The following CACNA1E variants were observed in gnomAD, a reference collection of about 807,000 sequenced individuals.
CACNA1E encodes calcium voltage-gated channel subunit alpha1 E.
Under a neutral mutation model 259.2 loss-of-function variants are expected in CACNA1E, and 40 were observed. The observed-to-expected ratio is 0.15, with a 90% CI of 0.12 to 0.20. CACNA1E has a LOEUF of 0.20. Among genes scored for constraint, CACNA1E ranks in the 10% least tolerant of loss-of-function variants. The pLI, the probability that CACNA1E is intolerant of heterozygous loss-of-function variation, is 1.00. For missense variants in CACNA1E, 1,874 were observed against 3,040.1 expected, an observed-to-expected ratio of 0.62 and a Z score of 9.02; for synonymous variants, 1,104 against 1,138.5, an observed-to-expected ratio of 0.97 and a Z score of 0.61.
chr1:181,634,952 T>C (rs1657075764), intron 6 of CACNA1E, among the ~76,000 whole-genome samples: 1 of 152,190 alleles, frequency 6.6e-6, no homozygotes, highest in Non-Finnish European at 1.5e-5. Context: ...ATCATTCTTT[T>C]CCTGCAAGAA....
chr1:181,540,522 T>C (rs1158932518), intron 3 of CACNA1E, among the ~76,000 whole-genome samples: 1 of 152,182 alleles, frequency 6.6e-6, no homozygotes, highest in Non-Finnish European at 1.5e-5. Context: ...CACCTTGGCG[T>C]ACTCAATGTT....
chr1:181,649,084 C>T (rs1658533815), intron 6 of CACNA1E, among the ~76,000 whole-genome samples: 1 of 152,192 alleles, frequency 6.6e-6, no homozygotes. Context: ...CATGTCTTAA[C>T]GATCTCAGAG....
chr1:181,622,222 C>T (rs1655789360), intron 6 of CACNA1E, among the ~76,000 whole-genome samples: 1 of 152,166 alleles, frequency 6.6e-6, no homozygotes. Flanking sequence ...TTTCCTTCCC[C>T]TGCGAGTCTT....
intron 1 of CACNA1E, among the ~76,000 whole-genome samples, chr1:181,374,140 G>T (rs1229062746): frequency 6.6e-6 from 1 of 152,116 alleles, no homozygotes; most frequent in Non-Finnish European, 1.5e-5. Context: ...TAGGCATTTA[G>T]CACTATGAAC....
rs1650588260 is a variant in CACNA1E at position 181,324,153 on chromosome 1, A to T, written c.-15+6030A>T. On this transcript the variant is annotated intron_variant, in intron 1 of 11. Transcript: ENST00000524607. ...TTCTGGGCCAGGCACTGACTAGGATACTGGGAATAGAGCAATGAACGAGAC... is the reference window on the plus strand; with the variant it reads ...TTCTGGGCCAGGCACTGACTAGGATTCTGGGAATAGAGCAATGAACGAGAC... Among the ~76,000 whole-genome samples, 4 of 152,306 alleles carry T rather than the reference A, an allele frequency of 2.6e-5. No homozygotes were observed. The South Asian group carries it at 8.3e-4, about 32-fold the overall frequency.
intron 1 of CACNA1E, among the ~76,000 whole-genome samples, chr1:181,321,870 A>G (rs77685907): frequency 6.6e-6 from 1 of 152,210 alleles, no homozygotes; most frequent in Non-Finnish European, 1.5e-5. Context: ...GTTGGGCCTC[A>G]TTTAACTTGT....
chr1:181,643,438 T>G (rs1289730859), intron 6 of CACNA1E, among the ~76,000 whole-genome samples: 1 of 152,216 alleles, frequency 6.6e-6, no homozygotes, highest in Non-Finnish European at 1.5e-5. Flanking sequence ...CACGGCAGCC[T>G]TCGTAGTCCT....
chr1:181,345,166 G>A (rs1041879919), intron 1 of CACNA1E, among the ~76,000 whole-genome samples: 1 of 152,238 alleles, frequency 6.6e-6, no homozygotes, highest in African/African-American at 2.4e-5. Flanking sequence ...CACCTAGCTG[G>A]GCTCTGCTCC....
chr1:181,328,358 CCA>C (rs1218413942), intron 1 of CACNA1E, among the ~76,000 whole-genome samples: 1 of 152,158 alleles, frequency 6.6e-6, no homozygotes, highest in Non-Finnish European at 1.5e-5. Context: ...CCTTCTAATA[CCA>C]TTACAATGGT....
At chr1:181,611,402 GT>G (rs72452833) in intron 6 of CACNA1E, among the ~76,000 whole-genome samples, 29,046 of 145,196 alleles carry the variant, frequency 0.2, 3,301 homozygotes, top group African/African-American at 0.32. Context: ...TTAAGTCAGT[GT>G]TTTTTTTTTT....
At chr1:181,563,851 T>C (rs2102901159) in intron 3 of CACNA1E, among the ~76,000 whole-genome samples, 1 of 152,320 alleles carries the variant, frequency 6.6e-6, no homozygotes, top group Admixed American at 6.5e-5. Context: ...CTCAAGAAAG[T>C]CACATAAATT....
chr1:181,453,961 C>T (rs1661307584), intron 2 of CACNA1E, among the ~76,000 whole-genome samples: 1 of 152,238 alleles, frequency 6.6e-6, no homozygotes, highest in Non-Finnish European at 1.5e-5. Context: ...TTACTGCTCT[C>T]TTTCTCACTT....
At chr1:181,600,491 C>T (rs1653634100) in intron 6 of CACNA1E, among the ~76,000 whole-genome samples, 1 of 152,160 alleles carries the variant, frequency 6.6e-6, no homozygotes, top group South Asian at 2.1e-4. Flanking sequence ...TGGAATGGCT[C>T]TGCTGGTGGG....
intron 7 of CACNA1E, among the ~76,000 whole-genome samples, chr1:181,683,682 A>G (rs1650220874): frequency 1.3e-5 from 2 of 152,242 alleles, no homozygotes; most frequent in Non-Finnish European, 2.9e-5. Flanking sequence ...AAATGAGAAC[A>G]TGCAGTATTT....
At chr1:181,482,618 G>GCGCCGCTCGCTGT (rs1553258111), upstream of CACNA1E, among the ~76,000 whole-genome samples, 976 of 152,320 alleles carry the variant, frequency 6.4e-3, 14 homozygotes, top group African/African-American at 0.021. Context: ...GCCTCGCTGC[G>GCGCCGCTCGCTGT]CCTCTGCGCG....
At chr1:181,329,289 C>T (rs35363671) in intron 1 of CACNA1E, among the ~76,000 whole-genome samples, 7,200 of 152,230 alleles carry the variant, frequency 0.047, 244 homozygotes, top group Middle Eastern at 0.082. Flanking sequence ...ACAACAGCCT[C>T]CTAACCAATC....
Position 181,796,847 on chromosome 1 carries a change from C to T in CACNA1E, c.6388C>T (p.Pro2130Ser), listed in dbSNP as rs1158652155. ...ACCCAGTGAGGGCAGGTCACAGACG[C>T]CCAACAGACAGGTGAGCGCAGAGAG... ...RSPSEGRSQT[P>S]NRQGTGSLSE... Residue 2130 changes from proline to serine, a missense_variant, in exon 47 of 48, where the codon CCC becomes TCC. Physicochemically the swap from Pro to Ser is moderately conservative, Grantham distance 74 (BLOSUM62 -1). This residue lies in a region of CACNA1E where 542 missense variants were observed against 587.2 expected (regional missense o/e 0.92). Coordinates refer to ENST00000367573, the MANE Select transcript of CACNA1E (RefSeq NM_001205293.3). The T allele has an allele frequency of 1.3e-6, 2 of 1,597,272 alleles. No individual in the cohort carries two copies. Among genetic ancestry groups the T allele is most frequent in the South Asian group, 2.3e-5 (2 of 88,306 alleles).
At chr1:181,616,631 C>G (rs1438820708) in intron 6 of CACNA1E, among the ~76,000 whole-genome samples, 1 of 151,910 alleles carries the variant, frequency 6.6e-6, no homozygotes, top group Non-Finnish European at 1.5e-5. Context: ...GGAGAATTGC[C>G]TGAACTGGGG....
At chr1:181,796,533 G>GA in intron 46 of CACNA1E, 135 bp from the exon 47 acceptor site, 1 of 578,422 alleles carries the variant, frequency 1.7e-6, no homozygotes, top group East Asian at 3.0e-5. Context: ...TTTGAATTTG[G>GA]GGGGGGACAC....
Sources: allele counts gnomAD v4.1 joint callset (sites outside exome capture counted in the v4.1 genomes callset), GRCh38; gene constraint gnomAD v4.1.1; regional missense constraint gnomAD v4.1.1; transcripts MANE v1.5; gene names NCBI Gene and HGNC (gene_info 2026-07-23, HGNC 2026-07-21).